Variants in RERE observed in about 807,000 individuals in gnomAD.
RERE encodes the protein arginine-glutamic acid dipeptide repeats, also known as arginine-glutamic acid dipeptide repeats protein.
A neutral mutation model predicts 146.1 loss-of-function variants in RERE; 40 were observed. The ratio of observed to expected loss-of-function variants is 0.27; its 90% CI spans 0.21 to 0.36. The LOEUF (loss-of-function observed/expected upper bound fraction) is 0.36, where lower values mean the gene tolerates loss of function less well. Ranked by LOEUF, RERE falls within the 10% of genes least tolerant of loss-of-function variation. The pLI is 1.00. For synonymous variants in RERE, 1,003 were observed against 866.0 expected, an observed-to-expected ratio of 1.16 and a Z score of -2.78; for missense variants, 1,933 against 2,138.7, an observed-to-expected ratio of 0.90 and a Z score of 1.90.
chr1:8,429,938 A>G (rs1237333452), intron 11 of RERE: 1 of 152,316 alleles, frequency 6.6e-6, no homozygotes, highest in Non-Finnish European at 1.5e-5. Context: ...GACACAGAGC[A>G]GCAGACGAAA....
At chr1:8,491,589 G>A (rs1007002150) in intron 10 of RERE, among the ~76,000 whole-genome samples, 4 of 152,260 alleles carry the variant, frequency 2.6e-5, no homozygotes, top group African/African-American at 7.2e-5. Flanking sequence ...CTGCACTCCA[G>A]CCTGGGCAAC....
intron 4 of RERE, among the ~76,000 whole-genome samples, chr1:8,607,528 A>ATTTTTTTTTTT (rs1557431314): frequency 2.6e-5 from 2 of 76,970 alleles, no homozygotes; most frequent in East Asian, 1.5e-3. Context: ...GTTTTTATAT[A>ATTTTTTTTTTT]TATTTCTTTT....
intron 1 of RERE, among the ~76,000 whole-genome samples, chr1:8,774,540 G>A (rs1362308724): frequency 1.3e-5 from 2 of 151,184 alleles, no homozygotes; most frequent in African/African-American, 2.4e-5. Flanking sequence ...TTTAGTAGAG[G>A]CAGGGTTTCT....
At chr1:8,709,139 C>G (rs1212211176) in intron 1 of RERE, among the ~76,000 whole-genome samples, 1 of 151,876 alleles carries the variant, frequency 6.6e-6, no homozygotes, top group Non-Finnish European at 1.5e-5. Context: ...CCAGGATGGT[C>G]TCGATCTCCT....
At chr1:8,592,355 G>A (rs907404074) in intron 4 of RERE, among the ~76,000 whole-genome samples, 22 of 151,700 alleles carry the variant, frequency 1.5e-4, no homozygotes, top group Admixed American at 2.6e-4. Context: ...CTGCAGTCTC[G>A]ACCTCCCCAG....
chr1:8,573,654 G>T (rs549571687), intron 4 of RERE, among the ~76,000 whole-genome samples: 6 of 151,818 alleles, frequency 4.0e-5, no homozygotes, highest in African/African-American at 1.5e-4. Context: ...AAATTATTTC[G>T]ATTACTCTGA....
chr1:8,706,801 A>G (rs1172610307), intron 1 of RERE, among the ~76,000 whole-genome samples: 1 of 152,228 alleles, frequency 6.6e-6, no homozygotes, highest in Non-Finnish European at 1.5e-5. Flanking sequence ...CCTCAAAGTG[A>G]AACATTTGTT....
chr1:8,603,070 G>A (rs559847054), intron 4 of RERE, among the ~76,000 whole-genome samples: 3 of 152,376 alleles, frequency 2.0e-5, no homozygotes, highest in East Asian at 1.9e-4. Flanking sequence ...ATGACTGGAA[G>A]TGGGAGGTGG....
intron 1 of RERE, among the ~76,000 whole-genome samples, chr1:8,775,149 C>T (rs1039982737): frequency 4.6e-5 from 7 of 151,606 alleles, no homozygotes; most frequent in African/African-American, 7.3e-5. Context: ...TTAGTAGAGA[C>T]GGGGTTTCAC....
intron 7 of RERE, among the ~76,000 whole-genome samples, chr1:8,514,621 G>C (rs1312374340): frequency 1.3e-5 from 2 of 151,878 alleles, no homozygotes; most frequent in African/African-American, 4.8e-5. Flanking sequence ...CTAGCTACTC[G>C]GGAGGCTCAG....
intron 11 of RERE, among the ~76,000 whole-genome samples, chr1:8,459,333 T>C (rs1644494683): frequency 6.6e-6 from 1 of 152,194 alleles, no homozygotes; most frequent in African/African-American, 2.4e-5. Context: ...CTATTTCTCT[T>C]ATTTTTCCTA....
chr1:8,766,559 A>AG (rs1557529835), intron 1 of RERE, among the ~76,000 whole-genome samples: 2 of 151,644 alleles, frequency 1.3e-5, no homozygotes, highest in Non-Finnish European at 2.9e-5. Flanking sequence ...AAAAAAAAAA[A>AG]AAAAGAAAAG....
In RERE at chr1:8,507,737, C is replaced by CTTTTTTTTTT. The variant is rs58647657; in HGVS notation, c.879+880_879+889dup. Among the ~76,000 whole-genome samples, 115 of 85,938 alleles carry CTTTTTTTTTT rather than the reference C, an allele frequency of 1.3e-3. 10 individuals are homozygous for CTTTTTTTTTT. Among genetic ancestry groups the CTTTTTTTTTT allele is most frequent in the African/African-American group, 3.2e-3 (64 of 20,030 alleles). 56.4% of individuals were successfully genotyped at this position (85,938 alleles called of 152,430 possible). On this transcript the variant is annotated intron_variant, in intron 8 of 22. Transcript: ENST00000400908. Reference sequence around the variant, plus strand: ...AAAAGAGGTTTTAAACATCTTTTATCTTTTTTTTTTTTTTTTTTTGAGACA... The same window carrying CTTTTTTTTTT: ...AAAAGAGGTTTTAAACATCTTTTATCTTTTTTTTTTTTTTTTTTTTTTTTTTTTTGAGACA...
chr1:8,750,150 C>A (rs1388668411), intron 1 of RERE, among the ~76,000 whole-genome samples: 814 of 96,318 alleles, frequency 8.5e-3, no homozygotes, highest in South Asian at 0.011. Context: ...GCCTCTGTCT[C>A]AAAAAAAAAA....
intron 1 of RERE, among the ~76,000 whole-genome samples, chr1:8,749,877 C>A (rs1052230677): frequency 6.6e-6 from 1 of 152,160 alleles, no homozygotes; most frequent in Admixed American, 6.5e-5. Flanking sequence ...ACAGGCCAGG[C>A]GCAGTGGCTC....
Position 8,360,531 on chromosome 1 carries a change from A to T in RERE, c.2976T>A (p.Pro992=). 2.2e-6 allele frequency: 2 copies of T among 901,172 alleles called. No homozygotes were observed. The highest frequency in any genetic ancestry group is 2.8e-6 in the Non-Finnish European group (2 of 719,690). 55.8% of individuals were successfully genotyped at this position (901,172 alleles called of 1,614,324 possible). A position where few individuals can be genotyped will look rare whatever the true frequency, so the allele number is the denominator to read the frequency against. ...GCGAGGAGGGCAATGGCTGGCTCTGAGGCATGAGTTGCAGGGGTGGGGGGT... is the reference window on the plus strand; with the variant it reads ...GCGAGGAGGGCAATGGCTGGCTCTGTGGCATGAGTTGCAGGGGTGGGGGGT... ...SAHPPPLQLM[P]QSQPLPSSPA... Residue 992 remains proline (P), a synonymous_variant, in exon 18 of 23, where the codon CCT becomes CCA. Coordinates refer to ENST00000400908, the MANE Select transcript of RERE (RefSeq NM_001042681.2).
intron 1 of RERE, among the ~76,000 whole-genome samples, chr1:8,727,464 A>G (rs975577029): frequency 5.9e-5 from 9 of 151,538 alleles, no homozygotes; most frequent in Non-Finnish European, 1.2e-4. Flanking sequence ...TAAAACATAC[A>G]ATATTTCAAT....
At chr1:8,416,336 AG>A (rs567271352) in intron 12 of RERE, among the ~76,000 whole-genome samples, 44 of 152,216 alleles carry the variant, frequency 2.9e-4, no homozygotes, top group Non-Finnish European at 5.4e-4. Context: ...CTGTAATCCC[AG>A]CACTTTGGGA....
rs1172505759 is a variant in RERE at position 8,687,596 on chromosome 1, G to A, written c.-144-31155C>T. Among the ~76,000 whole-genome samples, 3 of 152,192 alleles carry A rather than the reference G, an allele frequency of 2.0e-5. No homozygotes were observed. The East Asian group carries it at 5.8e-4, about 29-fold the overall frequency. ...AATTCTCTAACAAACTGCTGAAAAT[G>A]GTCAGTGTCTAACATATTTGAATAT... On this transcript the variant is annotated intron_variant, in intron 1 of 22. Transcript: ENST00000400908.
Sources: gnomAD v4.1 joint callset for allele counts (sites outside exome capture counted in the v4.1 genomes callset) on GRCh38, gnomAD v4.1.1 for gene constraint, MANE v1.5 for transcripts, NCBI Gene and HGNC (gene_info 2026-07-23, HGNC 2026-07-21) for gene names.